FANK1: variants seen among roughly 807,000 people sequenced by gnomAD.
FANK1 encodes fibronectin type III and ankyrin repeat domains 1.
FANK1 carries 44 observed loss-of-function variants against 45.3 expected under a neutral mutation model. The ratio of observed to expected loss-of-function variants is 0.97; its 90% CI spans 0.76 to 1.25. The LOEUF (loss-of-function observed/expected upper bound fraction) is 1.25. Among genes scored for constraint, FANK1 ranks in the 50% most tolerant of loss-of-function variants. The probability of loss-of-function intolerance (pLI) is 0.00; values close to 1 mark genes in which losing one functional copy is unlikely to be tolerated. For missense variants in FANK1, 391 were observed against 424.4 expected, an observed-to-expected ratio of 0.92 and a Z score of 0.69; for synonymous variants, 149 against 152.5, an observed-to-expected ratio of 0.98 and a Z score of 0.17.
At chr10:125,936,194 G>A (rs372475571) in intron 1 of FANK1, among the ~76,000 whole-genome samples, 78 of 152,242 alleles carry the variant, frequency 5.1e-4, no homozygotes, top group African/African-American at 1.8e-3. Flanking sequence ...TGACCTAATA[G>A]CTTGACACTT....
At chr10:125,979,976 A>G (rs759908965) in intron 1 of FANK1, 185 bp from the exon 2 acceptor site, 2 of 646,230 alleles carry the variant, frequency 3.1e-6, no homozygotes, top group Non-Finnish European at 5.5e-6. Flanking sequence ...GGTAGCTCAC[A>G]CATCAGCTGA....
chr10:125,935,986 C>T (rs1043356653), intron 1 of FANK1, among the ~76,000 whole-genome samples: 4 of 152,064 alleles, frequency 2.6e-5, no homozygotes, highest in African/African-American at 9.7e-5. Context: ...TCTCTGAATT[C>T]GTCATTAGGT....
chr10:125,926,609 T>C (rs1947361036), intron 1 of FANK1, among the ~76,000 whole-genome samples: 1 of 152,302 alleles, frequency 6.6e-6, no homozygotes. Flanking sequence ...TCCGTCAAAG[T>C]TGTTTTGATA....
intron 1 of FANK1, among the ~76,000 whole-genome samples, chr10:125,971,826 G>T (rs915071341): frequency 1.3e-5 from 2 of 152,098 alleles, no homozygotes; most frequent in Admixed American, 6.5e-5. Flanking sequence ...GTTTCACCAT[G>T]TTAGCCAGGA....
intron 1 of FANK1, among the ~76,000 whole-genome samples, chr10:125,913,689 A>T (rs1350661576): frequency 6.6e-6 from 1 of 152,194 alleles, no homozygotes; most frequent in Admixed American, 6.5e-5. Flanking sequence ...GAATCTGTCA[A>T]TCTGGGTTGC....
chr10:125,966,166 C>T (rs529694528), intron 1 of FANK1, among the ~76,000 whole-genome samples: 1 of 152,270 alleles, frequency 6.6e-6, no homozygotes, highest in South Asian at 2.1e-4. Context: ...CCTTGAAGAA[C>T]TTACTAGCAA....
intron 1 of FANK1, among the ~76,000 whole-genome samples, chr10:125,906,101 C>T (rs1391210940): frequency 1.3e-5 from 2 of 152,286 alleles, no homozygotes; most frequent in Non-Finnish European, 2.9e-5. Flanking sequence ...CTATGGTTCA[C>T]GTTCAACAGA....
At position 126,008,565 on chromosome 10, in the gene FANK1, C is replaced by G. The variant is rs146548354; in HGVS notation, c.849+15C>G. On this transcript the variant is annotated intron_variant, in intron 8 of 10. Coordinates refer to ENST00000368693, the MANE Select transcript of FANK1 (RefSeq NM_145235.5). ...CGCCCCTTATGGTAGGTCCTCCTCC[C>G]GAAAATAGGCAGTTTTCTACGTGGA... is the stretch of plus-strand genomic sequence containing the variant. 6.3e-7 allele frequency: 1 copy of G among 1,588,762 alleles called. No homozygotes were observed. The highest frequency in any genetic ancestry group is 1.2e-5 in the South Asian group (1 of 86,808).
intron 1 of FANK1, among the ~76,000 whole-genome samples, chr10:125,942,813 C>CTTT (rs772933009): frequency 7.9e-6 from 1 of 126,862 alleles, no homozygotes; most frequent in African/African-American, 2.9e-5. Context: ...TTATAATTTG[C>CTTT]TTTTTTTTTT....
At chr10:125,936,177 A>G (rs951374239) in intron 1 of FANK1, among the ~76,000 whole-genome samples, 5 of 152,238 alleles carry the variant, frequency 3.3e-5, no homozygotes, top group African/African-American at 1.2e-4. Context: ...TCATAAGGCT[A>G]TAATTTTGAC....
chr10:125,994,916 G>A (rs1181580255), intron 3 of FANK1: 2 of 985,140 alleles, frequency 2.0e-6, no homozygotes, highest in African/African-American at 3.5e-5. Context: ...CCTGTGGGTC[G>A]AAGCCCTTCT....
chr10:125,968,184 C>T (rs991614873), intron 1 of FANK1, among the ~76,000 whole-genome samples: 43 of 152,128 alleles, frequency 2.8e-4, no homozygotes, highest in African/African-American at 1.0e-3. Context: ...TGGTCTCTTC[C>T]TGGCCTCATG....
intron 1 of FANK1, among the ~76,000 whole-genome samples, chr10:125,907,800 C>T (rs1316966653): frequency 6.6e-6 from 1 of 151,944 alleles, no homozygotes; most frequent in Non-Finnish European, 1.5e-5. Flanking sequence ...CCAGCCAATA[C>T]CCAATAAAAA....
At chr10:126,008,383 A>G in intron 7 of FANK1, 24 bp from the exon 8 acceptor site, 4 of 1,568,414 alleles carry the variant, frequency 2.6e-6, no homozygotes, top group Non-Finnish European at 3.4e-6. Context: ...TGGGCTCAAC[A>G]CAGCTGTTTC....
At chr10:125,953,040 C>G (rs1437239150) in intron 1 of FANK1, among the ~76,000 whole-genome samples, 3 of 152,188 alleles carry the variant, frequency 2.0e-5, no homozygotes, top group Non-Finnish European at 4.4e-5. Flanking sequence ...GGTTTTTAGA[C>G]TTGCATGTGC....
intron 1 of FANK1, among the ~76,000 whole-genome samples, chr10:125,962,638 A>G (rs959349589): frequency 6.6e-6 from 1 of 151,958 alleles, no homozygotes; most frequent in Non-Finnish European, 1.5e-5. Context: ...TTTATTTTTA[A>G]CAGTTCTAAG....
intron 1 of FANK1, among the ~76,000 whole-genome samples, chr10:125,976,621 T>G (rs1181896686): frequency 7.4e-6 from 1 of 134,912 alleles, no homozygotes. Flanking sequence ...GATTGCATTG[T>G]AAATTTTTTT....
At chr10:125,948,731 C>G (rs1390461456) in intron 1 of FANK1, among the ~76,000 whole-genome samples, 4 of 151,920 alleles carry the variant, frequency 2.6e-5, no homozygotes, top group African/African-American at 4.8e-5. Flanking sequence ...CTATTCCAAT[C>G]AATAGAAAAA....
chr10:125,901,753 C>G (rs1425092522), intron 1 of FANK1, among the ~76,000 whole-genome samples: 2 of 152,164 alleles, frequency 1.3e-5, no homozygotes, highest in African/African-American at 4.8e-5. Flanking sequence ...TGGTGGTGCC[C>G]CCTCTCTGAT....
Sources: allele counts gnomAD v4.1 joint callset (sites outside exome capture counted in the v4.1 genomes callset), GRCh38; gene constraint gnomAD v4.1.1; transcripts MANE v1.5; gene names NCBI Gene and HGNC (gene_info 2026-07-23, HGNC 2026-07-21).